GLRA2: variants seen among roughly 807,000 people sequenced by gnomAD.
GLRA2 encodes glycine receptor alpha 2, also known as glycine receptor subunit alpha-2.
In GLRA2, 11 loss-of-function variants were observed where a neutral mutation model predicts 31.6. The observed-to-expected ratio is 0.35, with a 90% confidence interval of 0.22 to 0.58. The LOEUF (loss-of-function observed/expected upper bound fraction) is 0.58, where lower values mean the gene tolerates loss of function less well. GLRA2 is among the 20% of genes least tolerant of loss of function. The pLI, the probability that GLRA2 is intolerant of heterozygous loss-of-function variation, is 0.84. For missense variants in GLRA2, 212 were observed against 351.8 expected (o/e 0.60, Z 3.18); for synonymous variants, 132 against 134.0 (o/e 0.99, Z 0.10).
chrX:14,542,329 G>A lies in GLRA2; in HGVS notation c.202+9957G>A, dbSNP rs148039557. ...AACATGCATGTAACATACAACCCAT[G>A]TTCACTTTGAGGTGGAGACTTAACA... On this transcript the variant is annotated intron_variant, in intron 2 of 8. Coordinates refer to ENST00000218075, the MANE Select transcript of GLRA2 (RefSeq NM_002063.4). 7.2e-4 allele frequency among the ~76,000 whole-genome samples: 81 copies of A among 112,164 alleles called. 3 individuals are homozygous for A. The East Asian group carries it at 0.022, about 30-fold the overall frequency.
chrX:14,528,199 C>T (rs1455105749), upstream of GLRA2, among the ~76,000 whole-genome samples: 1 of 111,761 alleles, frequency 8.9e-6, no homozygotes, highest in Admixed American at 9.5e-5. Flanking sequence ...CACCCCAGAC[C>T]TACTGGATCA....
At chrX:14,642,002 A>C (rs1168517798) in intron 7 of GLRA2, among the ~76,000 whole-genome samples, 1 of 112,194 alleles carries the variant, frequency 8.9e-6, no homozygotes, top group Non-Finnish European at 1.9e-5. Context: ...TTTAGGAGGG[A>C]AAGAGCAGCT....
At chrX:14,687,228 C>A (rs1433209553) in intron 7 of GLRA2, among the ~76,000 whole-genome samples, 1 of 111,877 alleles carries the variant, frequency 8.9e-6, no homozygotes, top group East Asian at 2.8e-4. Context: ...TCTTTGGTTG[C>A]CCTTAACATT....
intron 7 of GLRA2, among the ~76,000 whole-genome samples, chrX:14,632,367 A>G (rs954848889): frequency 1.8e-5 from 2 of 111,231 alleles, no homozygotes; most frequent in African/African-American, 6.5e-5. Flanking sequence ...GAATAAATTG[A>G]ATGTGACAAT....
intron 2 of GLRA2, among the ~76,000 whole-genome samples, chrX:14,546,817 G>A (rs1364404450): frequency 1.8e-5 from 2 of 110,828 alleles, no homozygotes; most frequent in Non-Finnish European, 3.8e-5. Context: ...TTCATCATGG[G>A]GCCTCTCTCA....
intron 8 of GLRA2, among the ~76,000 whole-genome samples, chrX:14,723,386 C>T (rs1219742919): frequency 8.9e-6 from 1 of 111,994 alleles, no homozygotes; most frequent in African/African-American, 3.2e-5. Context: ...CCCATTAAAT[C>T]CAAATCATTA....
intron 8 of GLRA2, among the ~76,000 whole-genome samples, chrX:14,701,938 G>A (rs1279277248): frequency 8.9e-6 from 1 of 112,025 alleles, no homozygotes; most frequent in Non-Finnish European, 1.9e-5. Flanking sequence ...AGTGCAGAAT[G>A]TTGTGTGCTG....
intron 2 of GLRA2, among the ~76,000 whole-genome samples, chrX:14,558,748 G>A (rs753481197): frequency 9.0e-6 from 1 of 111,675 alleles, no homozygotes; most frequent in South Asian, 3.8e-4. Context: ...GCCATTTGTG[G>A]GAAGGACTCA....
At chrX:14,582,743 G>A (rs1445143386) in intron 4 of GLRA2, among the ~76,000 whole-genome samples, 1 of 111,996 alleles carries the variant, frequency 8.9e-6, no homozygotes, top group Non-Finnish European at 1.9e-5. Flanking sequence ...GAGTAATGTA[G>A]TGGTCAGCAA....
At chrX:14,572,648 G>C (rs866756406) in intron 2 of GLRA2, among the ~76,000 whole-genome samples, 1 of 112,423 alleles carries the variant, frequency 8.9e-6, no homozygotes, top group Non-Finnish European at 1.9e-5. Context: ...GCTGACATAA[G>C]AGGGGCCGGG....
chrX:14,584,434 A>C (rs1200387788), intron 4 of GLRA2, among the ~76,000 whole-genome samples: 1 of 111,688 alleles, frequency 9.0e-6, no homozygotes, highest in Non-Finnish European at 1.9e-5. Flanking sequence ...GTCTCCTTGC[A>C]AATAATTTTT....
the GLRA2 span, among the ~76,000 whole-genome samples, chrX:14,497,799 A>G: frequency 9.6e-6 from 1 of 104,671 alleles, no homozygotes; most frequent in Non-Finnish European, 1.9e-5. Flanking sequence ...CCTCCCATCT[A>G]TCTCACAGCT....
intron 7 of GLRA2, among the ~76,000 whole-genome samples, chrX:14,660,770 T>C (rs1200885740): frequency 1.8e-5 from 2 of 111,732 alleles, no homozygotes; most frequent in Non-Finnish European, 3.8e-5. Flanking sequence ...TAGTTAAATG[T>C]TTTGCGTAGT....
chrX:14,717,840 AATC>A (rs2147248814), intron 8 of GLRA2, among the ~76,000 whole-genome samples: 1 of 110,536 alleles, frequency 9.0e-6, no homozygotes, highest in Non-Finnish European at 1.9e-5. Flanking sequence ...ATTTCAAAGA[AATC>A]ATCCACTGAT....
At chrX:14,698,708 AAGT>A (rs2091488461) in intron 8 of GLRA2, among the ~76,000 whole-genome samples, 1 of 106,893 alleles carries the variant, frequency 9.4e-6, no homozygotes, top group African/African-American at 3.4e-5. Flanking sequence ...AAAAAAAAAA[AAGT>A]AAATATTCCC....
chrX:14,695,227 A>C (rs1036803852), intron 8 of GLRA2, among the ~76,000 whole-genome samples: 3 of 111,751 alleles, frequency 2.7e-5, no homozygotes, highest in Non-Finnish European at 5.6e-5. Flanking sequence ...GATTGGGCAG[A>C]AAAAGGAACA....
intron 2 of GLRA2, among the ~76,000 whole-genome samples, chrX:14,545,456 T>C (rs1168881082): frequency 9.0e-6 from 1 of 111,350 alleles, no homozygotes; most frequent in Non-Finnish European, 1.9e-5. Context: ...AATCATCTCT[T>C]AGAGGCATCA....
chrX:14,454,214 ACACACAC>A, the GLRA2 span, among the ~76,000 whole-genome samples: 2 of 93,887 alleles, frequency 2.1e-5, no homozygotes, highest in African/African-American at 6.9e-5. Context: ...ACACACACAC[ACACACAC>A]GCACACATAC....
At chrX:14,457,463 T>C in the GLRA2 span, among the ~76,000 whole-genome samples, 31 of 110,397 alleles carry the variant, frequency 2.8e-4, no homozygotes, top group African/African-American at 9.6e-4. Context: ...GGTTTTCTGA[T>C]CTTGTGATAG....
Sources: allele counts gnomAD v4.1 joint callset (sites outside exome capture counted in the v4.1 genomes callset), GRCh38; gene constraint gnomAD v4.1.1; transcripts MANE v1.5; gene names NCBI Gene and HGNC (gene_info 2026-07-23, HGNC 2026-07-21).